The following KLHDC10 variants were observed in gnomAD, a reference collection of about 807,000 sequenced individuals.
KLHDC10 encodes kelch domain containing 10, also known as kelch domain-containing protein 10.
KLHDC10 carries 24 observed loss-of-function variants against 56.1 expected under a neutral mutation model. The observed-to-expected ratio is 0.43, with a 90% CI of 0.31 to 0.60. The LOEUF is 0.60. Among genes scored for constraint, KLHDC10 ranks in the 20% least tolerant of loss-of-function variants. The pLI, the probability that KLHDC10 is intolerant of heterozygous loss-of-function variation, is 0.11. For missense variants in KLHDC10, 349 were observed against 567.0 expected, an observed-to-expected ratio of 0.62 and a Z score of 3.91; for synonymous variants, 188 against 207.1, an observed-to-expected ratio of 0.91 and a Z score of 0.79.
At chr7:130,121,109 C>CTT (rs59089969) in intron 4 of KLHDC10, among the ~76,000 whole-genome samples, 25 of 150,436 alleles carry the variant, frequency 1.7e-4, no homozygotes, top group Non-Finnish European at 3.0e-5. Flanking sequence ...CCTTTCTTTT[C>CTT]TTTTTTTTTC....
intron 1 of KLHDC10, chr7:130,094,879 A>G (rs984852428): frequency 1.3e-5 from 2 of 152,152 alleles, no homozygotes; most frequent in Non-Finnish European, 2.9e-5. Flanking sequence ...CCATGCATCT[A>G]TGATTGTTTC....
At chr7:130,072,390 C>T (rs543726882) in intron 1 of KLHDC10, among the ~76,000 whole-genome samples, 39 of 152,146 alleles carry the variant, frequency 2.6e-4, no homozygotes, top group Non-Finnish European at 4.9e-4. Context: ...GCTATTTCTG[C>T]ATTCCCTTAG....
chr7:130,133,004 G>A lies in KLHDC10; in HGVS notation c.*2258G>A, dbSNP rs1796420932. 6.6e-6 allele frequency: 1 copy of A among 152,248 alleles called. No individual in the cohort carries two copies. The highest frequency in any genetic ancestry group is 2.4e-5 in the African/African-American group (1 of 41,458). 9.4% of individuals were successfully genotyped at this position (152,248 alleles called of 1,614,324 possible). ...GCATCCTTTGTTAAGCCTTCTGAGG[G>A]CAGTCTTCTTTGAGGTAGACCTTGG... is the stretch of plus-strand genomic sequence containing the variant. On this transcript the variant is annotated 3_prime_UTR_variant, in exon 10 of 10. Coordinates refer to ENST00000335420, the MANE Select transcript of KLHDC10 (RefSeq NM_014997.4).
intron 1 of KLHDC10, among the ~76,000 whole-genome samples, chr7:130,093,522 G>A (rs6978929): frequency 0.33 from 49,521 of 151,924 alleles, 8,948 homozygotes; most frequent in East Asian, 0.43. Flanking sequence ...CACCACACCC[G>A]GCCTATATTT....
chr7:130,108,107 G>C (rs1370175907), intron 2 of KLHDC10, among the ~76,000 whole-genome samples: 1 of 148,502 alleles, frequency 6.7e-6, no homozygotes, highest in Admixed American at 6.7e-5. Context: ...TGTGCGCCTG[G>C]AGTCCCAGCT....
At chr7:130,122,014 G>A (rs1796253779) in intron 4 of KLHDC10, 40 bp from the exon 5 acceptor site, 2 of 1,581,076 alleles carry the variant, frequency 1.3e-6, no homozygotes, top group Non-Finnish European at 1.7e-6. Flanking sequence ...TTAATCAAGT[G>A]TTAACAAGTC....
In KLHDC10 at chr7:130,077,461, C is replaced by T. The variant is rs1461619709; in HGVS notation, c.166+6652C>T. 4.0e-4 allele frequency among the ~76,000 whole-genome samples: 60 copies of T among 148,772 alleles called. 1 individual carries two copies. Among genetic ancestry groups the T allele is most frequent in the Non-Finnish European group, 1.8e-4 (12 of 67,360 alleles). On this transcript the variant is annotated intron_variant, in intron 1 of 9. Coordinates refer to ENST00000335420, the MANE Select transcript of KLHDC10 (RefSeq NM_014997.4). ...AAAGTTGTTTATTTTTTTATATAGG[C>T]CTCACATTTCTTATTATGTTTATTC... is the stretch of plus-strand genomic sequence containing the variant.
At chr7:130,093,890 G>GT (rs1037857208) in intron 1 of KLHDC10, among the ~76,000 whole-genome samples, 5 of 151,970 alleles carry the variant, frequency 3.3e-5, no homozygotes, top group African/African-American at 7.3e-5. Context: ...CATAAAAAGG[G>GT]TTTTTTATTA....
Position 130,120,546 on chromosome 7 carries a change from G to A in KLHDC10, c.476-203G>A, listed in dbSNP as rs965809071. Among the ~76,000 whole-genome samples the A allele has an allele frequency of 3.3e-5, 5 of 152,106 alleles. No individual in the cohort carries two copies. Among genetic ancestry groups the A allele is most frequent in the Non-Finnish European group, 5.9e-5 (4 of 68,036 alleles). On this transcript the variant is annotated intron_variant, in intron 3 of 9. Transcript: ENST00000335420. This position sits in a 1 kb window ranked among gnomAD's most constrained non-coding sequence, Gnocchi z 5.1. ...TTCCTTTAAGCATCATTGTTGGTGC[G>A]CAAAAAGTCTAATTCGGATTTTGAA...
Position 130,116,399 on chromosome 7 carries a change from T to TTAA in KLHDC10, c.254-45_254-43dup. ...TTGTTACCTAATTTTGTTTGTGCTT[T>TTAA]TAAACTGGTAGGACACCTGTGGAAA... On this transcript the variant is annotated intron_variant, in intron 2 of 9. Transcript: ENST00000335420. The surrounding 1 kb of genome is among the most constrained non-coding windows in gnomAD (Gnocchi z 4.8). The TTAA allele has an allele frequency of 6.6e-7, 1 of 1,508,890 alleles. No individual in the cohort carries two copies. Among genetic ancestry groups the TTAA allele is most frequent in the South Asian group, 1.2e-5 (1 of 85,480 alleles). 93.5% of individuals were successfully genotyped at this position (1,508,890 alleles called of 1,614,324 possible). A position where few individuals can be genotyped will look rare whatever the true frequency, so the allele number is the denominator to read the frequency against.
chr7:130,076,668 TTTC>T (rs1795508487), intron 1 of KLHDC10, among the ~76,000 whole-genome samples: 1 of 152,206 alleles, frequency 6.6e-6, no homozygotes, highest in South Asian at 2.1e-4. Flanking sequence ...CAACTATACT[TTTC>T]TTCCAGATGG....
At chr7:130,112,505 A>C (rs983601017) in intron 2 of KLHDC10, among the ~76,000 whole-genome samples, 1 of 152,246 alleles carries the variant, frequency 6.6e-6, no homozygotes, top group African/African-American at 2.4e-5. Context: ...AGCAGCAAGT[A>C]ATTTTTAGGA....
chr7:130,091,084 G>T (rs993706143), intron 1 of KLHDC10, among the ~76,000 whole-genome samples: 8 of 151,598 alleles, frequency 5.3e-5, no homozygotes, highest in Non-Finnish European at 1.2e-4. Context: ...CATTCATTTC[G>T]CTGAAGGACA....
intron 1 of KLHDC10, among the ~76,000 whole-genome samples, chr7:130,085,094 C>T (rs1795666917): frequency 6.6e-6 from 1 of 151,812 alleles, no homozygotes; most frequent in African/African-American, 2.4e-5. Context: ...GCCTGTAATC[C>T]CAGCACTTTG....
chr7:130,120,759 T>C lies in KLHDC10; in HGVS notation c.486T>C (p.His162=). 4 of 1,614,020 alleles carry C rather than the reference T, an allele frequency of 2.5e-6. No homozygotes were observed. Among genetic ancestry groups the C allele is most frequent in the Non-Finnish European group, 3.4e-6 (4 of 1,179,916 alleles). The change falls in exon 4 of 10, where the codon CAT becomes CAC. Residue 162 remains histidine, a synonymous_variant. Coordinates refer to ENST00000335420, the MANE Select transcript of KLHDC10 (RefSeq NM_014997.4). This position sits in a 1 kb window ranked among gnomAD's most constrained non-coding sequence, Gnocchi z 5.1. ...RELASMSLVL[H]GNNLLVFGGT... ...CTTCTCCTTCCTCAGTTGTGCTGCA[T>C]GGAAACAACCTGTTAGTATTTGGAG...
chr7:130,090,695 T>A (rs755992920), intron 1 of KLHDC10, among the ~76,000 whole-genome samples: 2 of 151,984 alleles, frequency 1.3e-5, no homozygotes, highest in Non-Finnish European at 2.9e-5. Context: ...TATTGTACAA[T>A]AACACAACTA....
chr7:130,075,765 CTGT>C (rs771862600), intron 1 of KLHDC10, among the ~76,000 whole-genome samples: 27 of 152,216 alleles, frequency 1.8e-4, no homozygotes, highest in African/African-American at 2.9e-4. Flanking sequence ...TTATGTTTCC[CTGT>C]TGTTGTTCGA....
intron 1 of KLHDC10, among the ~76,000 whole-genome samples, chr7:130,088,652 T>TC (rs1470172305): frequency 2.0e-4 from 30 of 150,672 alleles, no homozygotes; most frequent in African/African-American, 7.3e-4. Flanking sequence ...TTTCTTTCTT[T>TC]TTTTTTTTTT....
rs539770530 is a variant in KLHDC10, at chr7:130,134,873, C to T, written c.*4127C>T. 1.3e-5 allele frequency: 2 copies of T among 152,200 alleles called. No individual in the cohort carries two copies. Among genetic ancestry groups the T allele is most frequent in the East Asian group, 1.9e-4 (1 of 5,176 alleles). 9.4% of individuals were successfully genotyped at this position (152,200 alleles called of 1,614,324 possible). ...TTGGTTCCCCAAATGCCTTGGAACT[C>T]CAGACGCACCCGCAGGGCCTGAGGT... is the stretch of plus-strand genomic sequence containing the variant. On this transcript the variant is annotated 3_prime_UTR_variant, in exon 10 of 10. Coordinates refer to ENST00000335420, the MANE Select transcript of KLHDC10 (RefSeq NM_014997.4).
Sources: gnomAD v4.1 joint callset for allele counts (sites outside exome capture counted in the v4.1 genomes callset) on GRCh38, gnomAD v4.1.1 for gene constraint, Gnocchi (gnomAD v3.1) non-coding constraint, MANE v1.5 for transcripts, NCBI Gene and HGNC (gene_info 2026-07-23, HGNC 2026-07-21) for gene names.